The following ACOT8 variants were observed in gnomAD, a reference collection of about 807,000 sequenced individuals.
ACOT8 encodes acyl-CoA thioesterase 8.
Under a neutral mutation model 38.4 loss-of-function variants are expected in ACOT8, and 31 were observed. The ratio of observed to expected loss-of-function variants is 0.81; its 90% CI spans 0.61 to 1.09. The LOEUF is 1.09. Among genes scored for constraint, ACOT8 ranks in the 50% least tolerant of loss-of-function variants. The pLI, the probability that ACOT8 is intolerant of heterozygous loss-of-function variation, is 0.00. For missense variants in ACOT8, 373 were observed against 421.8 expected (o/e 0.88, Z 1.01); for synonymous variants, 158 against 170.3 (o/e 0.93, Z 0.56).
chr20:45,845,848 T>TC (rs1213168343), intron 3 of ACOT8, among the ~76,000 whole-genome samples: 1 of 151,956 alleles, frequency 6.6e-6, no homozygotes, highest in African/African-American at 2.4e-5. Context: ...TTTTTTTTTT[T>TC]TTAAGACGGA....
intron 3 of ACOT8, among the ~76,000 whole-genome samples, chr20:45,846,984 G>A (rs1051963104): frequency 6.6e-6 from 1 of 152,128 alleles, no homozygotes; most frequent in African/African-American, 2.4e-5. Context: ...AAGGCAGGTC[G>A]ATCACTTGAG....
chr20:45,844,250 G>T lies in ACOT8; in HGVS notation c.646+13C>A, dbSNP rs1568735280. 2 of 1,614,084 alleles carry T rather than the reference G, an allele frequency of 1.2e-6. No homozygotes were observed. The highest frequency in any genetic ancestry group is 1.1e-5 in the South Asian group (1 of 91,078). On this transcript the variant is annotated intron_variant, in intron 4 of 5. Transcript: ENST00000217455. ...TGGAGAGTGGTTTCCTCCCATCCAT[G>T]GGGTACTCTTACCAATATAGCCCCG... is the stretch of plus-strand genomic sequence containing the variant.
At chr20:45,848,967 C>T in intron 2 of ACOT8, 1 of 331,750 alleles carries the variant, frequency 3.0e-6, no homozygotes, top group Non-Finnish European at 5.5e-6. Context: ...CTTCTCTGAG[C>T]AGTGTGCTTA....
In ACOT8 at chr20:45,845,165, T is replaced by C. The variant is rs1984592560; in HGVS notation, c.489-745A>G. Among the ~76,000 whole-genome samples the C allele has an allele frequency of 2.0e-5, 3 of 152,142 alleles. No homozygotes were observed. In the South Asian group the frequency reaches 6.2e-4, roughly 31 times the overall value. On this transcript the variant is annotated intron_variant, in intron 3 of 5. Transcript: ENST00000217455. ...GTGCGGTGGTGCAATCTCAGCTGACTGCAACCTCCGCCTCCCAGGTTCAAG... is the reference window on the plus strand; with the variant it reads ...GTGCGGTGGTGCAATCTCAGCTGACCGCAACCTCCGCCTCCCAGGTTCAAG...
intron 4 of ACOT8, chr20:45,843,959 A>G: frequency 4.7e-6 from 4 of 855,774 alleles, no homozygotes; most frequent in Non-Finnish European, 7.0e-6. Flanking sequence ...TCTAGGCCCC[A>G]AAAGGGGTGT....
rs780393189 is a variant in ACOT8, at chr20:45,857,360, G to A, written c.-45C>T. 1.9e-6 allele frequency: 3 copies of A among 1,557,158 alleles called. No individual in the cohort carries two copies. Among genetic ancestry groups the A allele is most frequent in the African/African-American group, 1.4e-5 (1 of 73,606 alleles). ...CCTGCACACCCGCTCCGCGGAAGAC[G>A]CGGAGACATACACAGAACCTGACTC... On this transcript the variant is annotated 5_prime_UTR_variant, in exon 1 of 6. Transcript: ENST00000217455.
chr20:45,848,671 G>T lies in ACOT8; in HGVS notation c.267C>A (p.Asp89Glu), dbSNP rs1205829713. The change falls in exon 3 of 6, where the codon GAC (aspartate) becomes GAA (glutamate). Residue 89 changes from aspartate (D) to glutamate (E), a missense_variant. Transcript: ENST00000217455. ...CTTGGTACAGTACTGGCAGCTTCGG[G>T]TCCCCTGCAGTGGGCACAAGGACAC... ...SLHCYFVRAG[D>E]PKLPVLYQVE... 1 of 1,603,330 alleles carries T rather than the reference G, an allele frequency of 6.2e-7. No individual in the cohort carries two copies. The highest frequency in any genetic ancestry group is 2.2e-5 in the East Asian group (1 of 44,672).
At chr20:45,848,696 C>A in intron 2 of ACOT8, 21 bp from the exon 3 acceptor site, 1 of 1,581,674 alleles carries the variant, frequency 6.3e-7, no homozygotes, top group Non-Finnish European at 8.6e-7. Flanking sequence ...CACAAGGACA[C>A]AGTGGGTCCA....
intron 5 of ACOT8, 52 bp from the exon 6 acceptor site, chr20:45,842,008 ACT>A: frequency 6.5e-7 from 1 of 1,549,542 alleles, no homozygotes; most frequent in East Asian, 2.3e-5. Context: ...AGCCAAATAC[ACT>A]TTTTTTTTTT....
chr20:45,844,441 G>A (rs1601090229), intron 3 of ACOT8, 21 bp from the exon 4 acceptor site: 8 of 1,613,076 alleles, frequency 5.0e-6, no homozygotes, highest in African/African-American at 4.0e-5. Context: ...AGGGAAGAGG[G>A]TCGGGGTGAG....
chr20:45,852,221 A>C (rs556395908), intron 2 of ACOT8, among the ~76,000 whole-genome samples: 1 of 151,676 alleles, frequency 6.6e-6, no homozygotes, highest in Admixed American at 6.6e-5. Context: ...AGGCTGGAGT[A>C]CAGTAGCACG....
intron 2 of ACOT8, among the ~76,000 whole-genome samples, chr20:45,851,637 A>G (rs1475255797): frequency 6.6e-6 from 1 of 152,266 alleles, no homozygotes; most frequent in East Asian, 1.9e-4. Context: ...ATAACTATGT[A>G]GAGCCACTCT....
chr20:45,857,140 A>T (rs776127944), intron 1 of ACOT8, 48 bp downstream of exon 1: 1 of 1,578,138 alleles, frequency 6.3e-7, no homozygotes, highest in Admixed American at 1.8e-5. Flanking sequence ...AGTCAAGATC[A>T]AGTTTCTGCC....
At chr20:45,851,131 G>A in intron 2 of ACOT8, among the ~76,000 whole-genome samples, 1 of 152,118 alleles carries the variant, frequency 6.6e-6, no homozygotes, top group East Asian at 1.9e-4. Context: ...AGTCAACCAG[G>A]CACCAGGGCT....
At chr20:45,845,739 T>C (rs1360040471) in intron 3 of ACOT8, among the ~76,000 whole-genome samples, 1 of 152,140 alleles carries the variant, frequency 6.6e-6, no homozygotes, top group Non-Finnish European at 1.5e-5. Flanking sequence ...CAGCACACTA[T>C]GGTAGCCACT....
intron 3 of ACOT8, among the ~76,000 whole-genome samples, chr20:45,846,640 A>G (rs1402833304): frequency 1.3e-5 from 2 of 152,084 alleles, no homozygotes; most frequent in African/African-American, 4.8e-5. Flanking sequence ...GAGCATTCCC[A>G]TTTTTTAGAA....
At chr20:45,851,236 G>A (rs1194185878) in intron 2 of ACOT8, among the ~76,000 whole-genome samples, 2 of 152,144 alleles carry the variant, frequency 1.3e-5, no homozygotes, top group Non-Finnish European at 2.9e-5. Flanking sequence ...CTATCAGAGT[G>A]CGAGCTCCTC....
intron 5 of ACOT8, chr20:45,842,775 T>C (rs1228937852): frequency 4.0e-6 from 4 of 990,288 alleles, no homozygotes; most frequent in Non-Finnish European, 4.8e-6. Context: ...TCTGAACCCA[T>C]GTCCTCACTT....
intron 3 of ACOT8, among the ~76,000 whole-genome samples, chr20:45,844,710 T>G (rs1984550444): frequency 6.6e-6 from 1 of 152,230 alleles, no homozygotes; most frequent in South Asian, 2.1e-4. Context: ...ATCATGAATA[T>G]CTAACCAACA....
Sources: gnomAD v4.1 joint callset for allele counts (sites outside exome capture counted in the v4.1 genomes callset) on GRCh38, gnomAD v4.1.1 for gene constraint, MANE v1.5 for transcripts, NCBI Gene and HGNC (gene_info 2026-07-23, HGNC 2026-07-21) for gene names.